The following CACNB4 variants were observed in gnomAD, a reference collection of about 807,000 sequenced individuals.
CACNB4 encodes voltage-dependent L-type calcium channel subunit beta-4.
A neutral mutation model predicts 71.2 loss-of-function variants in CACNB4; 32 were observed. The ratio of observed to expected loss-of-function variants is 0.45; its 90% CI spans 0.34 to 0.60. The LOEUF (loss-of-function observed/expected upper bound fraction) is 0.60, where lower values mean the gene tolerates loss of function less well. Ranked by LOEUF, CACNB4 falls within the 20% of genes least tolerant of loss-of-function variation. CACNB4 has a pLI of 0.01. For missense variants in CACNB4, 464 were observed against 647.9 expected (o/e 0.72, Z 3.08); for synonymous variants, 231 against 236.9 (o/e 0.97, Z 0.23).
chr2:151,922,280 G>A (rs2151575644), intron 2 of CACNB4, among the ~76,000 whole-genome samples: 1 of 152,244 alleles, frequency 6.6e-6, no homozygotes, highest in South Asian at 2.1e-4. Context: ...ATAGCTCATT[G>A]CAGCCTCATC....
chr2:152,012,002 T>C (rs888295829), intron 2 of CACNB4, among the ~76,000 whole-genome samples: 3 of 152,050 alleles, frequency 2.0e-5, no homozygotes, highest in Non-Finnish European at 4.4e-5. Flanking sequence ...TTATGTACAG[T>C]ACATCATATT....
intron 2 of CACNB4, among the ~76,000 whole-genome samples, chr2:151,889,041 T>C (rs2099850078): frequency 6.6e-6 from 1 of 152,230 alleles, no homozygotes; most frequent in Non-Finnish European, 1.5e-5. Context: ...TGTCTTTTAA[T>C]TATTTTAAAT....
intron 11 of CACNB4, chr2:151,854,514 G>A (rs891074744): frequency 6.6e-6 from 1 of 152,158 alleles, no homozygotes; most frequent in Non-Finnish European, 1.5e-5. Context: ...ACACTAGGAG[G>A]CACAGAGAAG....
At chr2:151,971,757 G>A (rs1443023903) in intron 2 of CACNB4, 9 of 625,442 alleles carry the variant, frequency 1.4e-5, no homozygotes, top group Non-Finnish European at 2.3e-5. Context: ...TCACCCCTCC[G>A]AACATCTCTC....
chr2:151,916,121 G>A (rs867539945), intron 2 of CACNB4, among the ~76,000 whole-genome samples: 4 of 152,196 alleles, frequency 2.6e-5, no homozygotes, highest in Non-Finnish European at 5.9e-5. Context: ...GGTTGCCAGT[G>A]AAGGATTCAC....
intron 2 of CACNB4, among the ~76,000 whole-genome samples, chr2:151,938,000 T>C (rs530185695): frequency 6.6e-6 from 1 of 152,294 alleles, no homozygotes; most frequent in South Asian, 2.1e-4. Context: ...AAAATCTGCC[T>C]CCCTAAGACT....
intron 10 of CACNB4, chr2:151,856,879 A>C (rs2099840450): frequency 1.3e-5 from 2 of 151,912 alleles, no homozygotes; most frequent in African/African-American, 4.8e-5. Context: ...TGCCTGGCTA[A>C]ATTTTTTATT....
intron 2 of CACNB4, among the ~76,000 whole-genome samples, chr2:151,918,116 C>T (rs2099858026): frequency 1.3e-5 from 2 of 152,306 alleles, no homozygotes; most frequent in South Asian, 4.1e-4. Flanking sequence ...ACCATATGTA[C>T]TGGTTTGTTA....
At chr2:151,984,523 A>G (rs1485797873) in intron 2 of CACNB4, among the ~76,000 whole-genome samples, 3 of 152,182 alleles carry the variant, frequency 2.0e-5, no homozygotes, top group African/African-American at 7.2e-5. Context: ...AACTTTGGGA[A>G]TCATTATCCT....
intron 2 of CACNB4, among the ~76,000 whole-genome samples, chr2:151,976,046 A>G (rs1425400538): frequency 6.6e-6 from 1 of 152,236 alleles, no homozygotes; most frequent in African/African-American, 2.4e-5. Flanking sequence ...GAAGTTTTAA[A>G]GAGCAGGGGC....
At chr2:152,059,293 G>C (rs1319321506) in intron 2 of CACNB4, among the ~76,000 whole-genome samples, 1 of 152,248 alleles carries the variant, frequency 6.6e-6, no homozygotes, top group African/African-American at 2.4e-5. Flanking sequence ...CTGTGTGTGT[G>C]CCTGGAAAAG....
At chr2:151,982,611 C>A (rs1300680559) in intron 2 of CACNB4, among the ~76,000 whole-genome samples, 1 of 138,858 alleles carries the variant, frequency 7.2e-6, no homozygotes, top group African/African-American at 2.8e-5. Flanking sequence ...CCAGCCTGGA[C>A]GACAGAGCGA....
At chr2:151,994,599 C>T (rs540924697) in intron 2 of CACNB4, among the ~76,000 whole-genome samples, 1 of 152,278 alleles carries the variant, frequency 6.6e-6, no homozygotes, top group Admixed American at 6.5e-5. Context: ...GCAACCTCCA[C>T]CTCCTGGGTT....
chr2:151,952,609 C>A (rs529810064), intron 2 of CACNB4, among the ~76,000 whole-genome samples: 1 of 152,196 alleles, frequency 6.6e-6, no homozygotes, highest in Non-Finnish European at 1.5e-5. Context: ...TGCCTTAGAA[C>A]GCTAGAGGCT....
In CACNB4 at chr2:151,864,504, A is replaced by G. The variant is rs576377329; in HGVS notation, c.759-3684T>C. 2.6e-5 allele frequency among the ~76,000 whole-genome samples: 4 copies of G among 152,340 alleles called. No homozygotes were observed. In the South Asian group the frequency reaches 8.3e-4, roughly 32 times the overall value. On this transcript the variant is annotated intron_variant, in intron 9 of 13. Coordinates refer to ENST00000539935, the MANE Select transcript of CACNB4 (RefSeq NM_000726.5). ...CAGCTGTAAGATCTGTCTATATTCTATCCTTGCTACATCCAATATGCAGCC... is the reference window on the plus strand; with the variant it reads ...CAGCTGTAAGATCTGTCTATATTCTGTCCTTGCTACATCCAATATGCAGCC...
chr2:151,948,429 G>A (rs1310935565), intron 2 of CACNB4, among the ~76,000 whole-genome samples: 1 of 152,222 alleles, frequency 6.6e-6, no homozygotes, highest in African/African-American at 2.4e-5. Context: ...GGAGGCCAAG[G>A]AGGGTGGATT....
chr2:151,945,373 T>A (rs1271403127), intron 2 of CACNB4, among the ~76,000 whole-genome samples: 1 of 152,176 alleles, frequency 6.6e-6, no homozygotes, highest in Admixed American at 6.5e-5. Context: ...TTCCTCATCT[T>A]AACAATGGGG....
At chr2:152,012,882 G>C (rs111907554) in intron 2 of CACNB4, among the ~76,000 whole-genome samples, 2 of 150,480 alleles carry the variant, frequency 1.3e-5, no homozygotes, top group African/African-American at 4.8e-5. Flanking sequence ...TGGCATTCAC[G>C]TTCACTCAGG....
chr2:151,959,223 G>A (rs1035969840), intron 2 of CACNB4, among the ~76,000 whole-genome samples: 4 of 152,128 alleles, frequency 2.6e-5, no homozygotes, highest in Non-Finnish European at 5.9e-5. Flanking sequence ...ATTTTCTGCC[G>A]GAAGTCAATC....
Sources: allele counts gnomAD v4.1 joint callset (sites outside exome capture counted in the v4.1 genomes callset), GRCh38; gene constraint gnomAD v4.1.1; transcripts MANE v1.5; gene names NCBI Gene and HGNC (gene_info 2026-07-23, HGNC 2026-07-21).